Variants in MYO5C observed in about 807,000 individuals in gnomAD.
The protein encoded by MYO5C is unconventional myosin-Vc.
Under a neutral mutation model 235.7 loss-of-function variants are expected in MYO5C, and 194 were observed. The observed-to-expected ratio is 0.82, with a 90% CI of 0.73 to 0.93. The LOEUF is 0.93. Ranked by LOEUF, MYO5C falls within the 40% of genes least tolerant of loss-of-function variation. MYO5C has a pLI of 0.00. For missense variants in MYO5C, 2,038 were observed against 2,127.2 expected (o/e 0.96, Z 0.82); for synonymous variants, 707 against 754.8 (o/e 0.94, Z 1.04).
intron 23 of MYO5C, among the ~76,000 whole-genome samples, chr15:52,233,709 C>A (rs1052652449): frequency 6.6e-6 from 1 of 152,228 alleles, no homozygotes; most frequent in Non-Finnish European, 1.5e-5. Context: ...AAGGGCAGGA[C>A]GTTCCATGGC....
chr15:52,225,517 C>T lies in MYO5C; in HGVS notation c.3223G>A (p.Glu1075Lys), dbSNP rs3825801. The part of the protein sequence containing the change: ...SKQVKTISEF[E>K]KEIELLQAQK... Reference sequence around the variant, plus strand: ...GCCTGAAGTAGTTCTATCTCTTTTTCGAACTCAGAGATTGTCTGAATCACA... The same window carrying T: ...GCCTGAAGTAGTTCTATCTCTTTTTTGAACTCAGAGATTGTCTGAATCACA... The change falls in exon 26 of 41, where the codon GAA becomes AAA. Residue 1075 changes from glutamate (E) to lysine (K), a missense_variant. Transcript: ENST00000261839. 164,059 of 1,610,774 alleles carry T rather than the reference C, an allele frequency of 0.1. 9,454 individuals carry two copies. Among genetic ancestry groups the T allele is most frequent in the East Asian group, 0.25 (11,105 of 44,834 alleles).
chr15:52,225,629 C>T, intron 25 of MYO5C, 97 bp from the exon 26 acceptor site: 3 of 816,428 alleles, frequency 3.7e-6, no homozygotes, highest in Non-Finnish European at 4.2e-6. Flanking sequence ...CGTGTCTATG[C>T]AAGACATCCT....
At chr15:52,273,791 C>T (rs542488709) in intron 5 of MYO5C, among the ~76,000 whole-genome samples, 2 of 152,184 alleles carry the variant, frequency 1.3e-5, no homozygotes, top group African/African-American at 4.8e-5. Context: ...TAATAGCAGC[C>T]CAGACTGACC....
intron 1 of MYO5C, among the ~76,000 whole-genome samples, chr15:52,293,749 C>T (rs1056269310): frequency 2.1e-4 from 32 of 152,260 alleles, no homozygotes; most frequent in African/African-American, 7.5e-4. Flanking sequence ...AATTCAGCTA[C>T]GTGACCCCGG....
intron 8 of MYO5C, among the ~76,000 whole-genome samples, chr15:52,268,217 A>T (rs529717117): frequency 6.6e-6 from 1 of 152,338 alleles, no homozygotes; most frequent in Non-Finnish European, 1.5e-5. Flanking sequence ...ACAAGAATGA[A>T]AGCACTTAGT....
Position 52,246,003 on chromosome 15 carries a change from G to A in MYO5C, c.2019C>T (p.Cys673=), listed in dbSNP as rs372913173. ...TAATGCGAATCGTTTCTAAAACGCC[G>A]CAGGCTCGCAGCTGCTGAACAATTC... ...SKRIVQQLRA[C]GVLETIRISA... Residue 673 remains cysteine, a synonymous_variant, in exon 17 of 41, where the codon TGC becomes TGT. Transcript: ENST00000261839. 34 of 1,614,014 alleles carry A rather than the reference G, an allele frequency of 2.1e-5. No homozygotes were observed. The highest frequency in any genetic ancestry group is 8.0e-5 in the African/African-American group (6 of 74,920).
chr15:52,234,474 T>C (rs995562672), intron 23 of MYO5C, among the ~76,000 whole-genome samples: 4 of 92,386 alleles, frequency 4.3e-5, no homozygotes, highest in Admixed American at 1.2e-4. Context: ...GGAAATTCTA[T>C]TTGAAGTTAG....
intron 5 of MYO5C, among the ~76,000 whole-genome samples, chr15:52,273,908 C>T (rs1042931961): frequency 1.3e-5 from 2 of 152,136 alleles, no homozygotes; most frequent in African/African-American, 4.8e-5. Flanking sequence ...CATCTTTCAT[C>T]CAACCTTTAT....
intron 38 of MYO5C, among the ~76,000 whole-genome samples, chr15:52,199,808 A>G (rs942249121): frequency 6.6e-6 from 1 of 152,206 alleles, no homozygotes; most frequent in African/African-American, 2.4e-5. Flanking sequence ...TCTGTGGTTC[A>G]AGGTTCTCTC....
chr15:52,244,352 A>G lies in MYO5C; in HGVS notation c.2390+4T>C. 6.2e-7 allele frequency: 1 copy of G among 1,611,612 alleles called. No homozygotes were observed. Among genetic ancestry groups the G allele is most frequent in the Non-Finnish European group, 8.5e-7 (1 of 1,179,020 alleles). ...TCCACATGTGTTCCTTGATTCCAAC[A>G]TACCTCACAGTTTGCTGACCCCGGA... On this transcript the variant is annotated splice_donor_region_variant and intron_variant, in intron 19 of 40. Transcript: ENST00000261839.
In MYO5C at chr15:52,239,800, C is replaced by A. The variant is rs540169997; in HGVS notation, c.2636G>T (p.Arg879Leu). 6.2e-7 allele frequency: 1 copy of A among 1,613,846 alleles called. No homozygotes were observed. Among genetic ancestry groups the A allele is most frequent in the Non-Finnish European group, 8.5e-7 (1 of 1,179,870 alleles). ...WLARRRFQSI[R>L]RFVLNIQLTY... ...AAGCTGAATATTAAGCACGAATCGTCGGATACTCTGGAATCTGCGTCTGGC... is the reference window on the plus strand; with the variant it reads ...AAGCTGAATATTAAGCACGAATCGTAGGATACTCTGGAATCTGCGTCTGGC... Residue 879 changes from arginine (R) to leucine (L), a missense_variant, in exon 21 of 41, where the codon CGA becomes CTA. Arg to Leu is a moderately radical substitution (Grantham distance 102, BLOSUM62 -2). Coordinates refer to ENST00000261839, the MANE Select transcript of MYO5C (RefSeq NM_018728.4).
At chr15:52,202,433 G>T (rs1211631586) in intron 38 of MYO5C, among the ~76,000 whole-genome samples, 2 of 152,112 alleles carry the variant, frequency 1.3e-5, no homozygotes, top group Admixed American at 6.5e-5. Flanking sequence ...AAAAAGTACT[G>T]GGTACCTGGG....
chr15:52,260,990 G>A lies in MYO5C; in HGVS notation c.1185C>T (p.Val395=). ...TTTTGGCCAGTGCATCCCTGGCGTT[G>A]ACAGCCTGAGGCCTGGTCATGGGTT... is the stretch of plus-strand genomic sequence containing the variant. The part of the protein sequence containing the change: ...VVKPMTRPQA[V]NARDALAKKI... Residue 395 remains valine, a synonymous_variant, in exon 10 of 41, where the codon GTC becomes GTT. Coordinates refer to ENST00000261839, the MANE Select transcript of MYO5C (RefSeq NM_018728.4). The A allele has an allele frequency of 1.2e-6, 2 of 1,614,228 alleles. No individual in the cohort carries two copies. The highest frequency in any genetic ancestry group is 1.7e-6 in the Non-Finnish European group (2 of 1,180,046).
At chr15:52,201,465 T>C (rs2035185746) in intron 38 of MYO5C, among the ~76,000 whole-genome samples, 1 of 152,208 alleles carries the variant, frequency 6.6e-6, no homozygotes. Flanking sequence ...GTGAAGACAT[T>C]TTCAACTGAA....
intron 21 of MYO5C, 111 bp downstream of exon 21, chr15:52,239,622 G>T: frequency 1.7e-6 from 2 of 1,190,588 alleles, no homozygotes; most frequent in Non-Finnish European, 1.2e-6. Flanking sequence ...CACGTAAACT[G>T]AACCTCCTAA....
chr15:52,291,731 G>GTTTTTTTT (rs1196328559), intron 1 of MYO5C, among the ~76,000 whole-genome samples: 14,839 of 52,152 alleles, frequency 0.28, 5,553 homozygotes, highest in Non-Finnish European at 0.38. Context: ...CATATTTTAT[G>GTTTTTTTT]TTTTTTTTTT....
intron 11 of MYO5C, among the ~76,000 whole-genome samples, 198 bp from the exon 12 acceptor site, chr15:52,253,655 C>T (rs952234385): frequency 8.5e-5 from 13 of 152,238 alleles, no homozygotes; most frequent in Admixed American, 7.9e-4. Context: ...CTGTCATCCT[C>T]CCACCTAGTC....
chr15:52,264,326 T>C (rs1202560948), intron 8 of MYO5C, 30 bp from the exon 9 acceptor site: 2 of 1,526,064 alleles, frequency 1.3e-6, no homozygotes, highest in East Asian at 2.3e-5. Context: ...CAGATTAGAA[T>C]ACTGCATCTC....
chr15:52,245,329 G>C (rs1399153703), intron 18 of MYO5C, 25 bp downstream of exon 18: 14 of 1,449,294 alleles, frequency 9.7e-6, no homozygotes, highest in Admixed American at 5.0e-5. Flanking sequence ...AGGAGACCAT[G>C]ATCCCAGGAG....
Sources: gnomAD v4.1 joint callset for allele counts (sites outside exome capture counted in the v4.1 genomes callset) on GRCh38, gnomAD v4.1.1 for gene constraint, MANE v1.5 for transcripts, NCBI Gene and HGNC (gene_info 2026-07-23, HGNC 2026-07-21) for gene names.